GPD2: variants seen among roughly 807,000 people sequenced by gnomAD.
GPD2 encodes glycerol-3-phosphate dehydrogenase, mitochondrial.
A neutral mutation model predicts 82.4 loss-of-function variants in GPD2; 54 were observed. The ratio of observed to expected loss-of-function variants is 0.66; its 90% CI spans 0.53 to 0.82. GPD2 has a LOEUF of 0.82. GPD2 is among the 40% of genes least tolerant of loss of function. GPD2 has a pLI of 0.00. For synonymous variants in GPD2, 288 were observed against 306.1 expected, an observed-to-expected ratio of 0.94 and a Z score of 0.62; for missense variants, 748 against 896.2, an observed-to-expected ratio of 0.83 and a Z score of 2.11.
rs115875558 is a variant in GPD2, at chr2:156,443,250, C to T, written c.-9+6737C>T. Reference sequence around the variant, plus strand: ...TACTCTTTTTATGCTACTCATAATTCCCTTATAGATGCTTGTCTCCTGTAA... The same window carrying T: ...TACTCTTTTTATGCTACTCATAATTTCCTTATAGATGCTTGTCTCCTGTAA... On this transcript the variant is annotated intron_variant, in intron 1 of 16. Coordinates refer to ENST00000438166, the MANE Select transcript of GPD2 (RefSeq NM_000408.5). 7.7e-3 allele frequency among the ~76,000 whole-genome samples: 1,180 copies of T among 152,294 alleles called. 5 individuals carry two copies. The highest frequency in any genetic ancestry group is 0.012 in the Non-Finnish European group (787 of 68,028).
chr2:156,523,532 C>T (rs575300383), intron 6 of GPD2, among the ~76,000 whole-genome samples: 1 of 152,234 alleles, frequency 6.6e-6, no homozygotes, highest in East Asian at 1.9e-4. Flanking sequence ...CATGGCCAGT[C>T]TATACTCTCA....
chr2:156,529,871 G>A (rs1414569050), intron 6 of GPD2, among the ~76,000 whole-genome samples: 37 of 152,082 alleles, frequency 2.4e-4, no homozygotes, highest in Middle Eastern at 3.4e-3. Flanking sequence ...GTCAGGTAGC[G>A]TGATGCCTCC....
the GPD2 span, among the ~76,000 whole-genome samples, chr2:156,405,761 TAAG>T: frequency 6.6e-6 from 1 of 152,120 alleles, no homozygotes; most frequent in African/African-American, 2.4e-5. Flanking sequence ...CATGCTCAGA[TAAG>T]AAGCTCCCAT....
intron 1 of GPD2, among the ~76,000 whole-genome samples, chr2:156,439,027 T>C (rs1682048361): frequency 6.6e-6 from 1 of 152,234 alleles, no homozygotes; most frequent in Non-Finnish European, 1.5e-5. Flanking sequence ...ACTTAACATG[T>C]CCTGAAGACT....
At chr2:156,533,763 C>G (rs1393146433) in intron 6 of GPD2, among the ~76,000 whole-genome samples, 2 of 152,152 alleles carry the variant, frequency 1.3e-5, no homozygotes, top group Non-Finnish European at 2.9e-5. Flanking sequence ...TCTCTGACCC[C>G]CCTCGCAGGA....
chr2:156,580,741 G>C (rs770145411), intron 16 of GPD2, among the ~76,000 whole-genome samples: 1 of 152,224 alleles, frequency 6.6e-6, no homozygotes, highest in African/African-American at 2.4e-5. Flanking sequence ...ATGAGCTGCA[G>C]ATAAGAGCAT....
chr2:156,497,882 G>C (rs1022958151), intron 3 of GPD2, among the ~76,000 whole-genome samples: 1 of 152,172 alleles, frequency 6.6e-6, no homozygotes, highest in Non-Finnish European at 1.5e-5. Context: ...ATACACTAAG[G>C]CCTAAAGGAA....
intron 6 of GPD2, among the ~76,000 whole-genome samples, chr2:156,525,976 A>T (rs545332440): frequency 1.3e-5 from 2 of 152,156 alleles, no homozygotes; most frequent in Non-Finnish European, 2.9e-5. Context: ...GTATGTATGC[A>T]TATGTGTTTA....
At chr2:156,557,256 G>A in intron 8 of GPD2, 133 bp from the exon 9 acceptor site, 1 of 697,144 alleles carries the variant, frequency 1.4e-6, no homozygotes, top group Non-Finnish European at 2.6e-6. Context: ...TTAGGGTAGG[G>A]GAAGTGCAAG....
At chr2:156,573,731 A>C (rs982655508) in intron 13 of GPD2, among the ~76,000 whole-genome samples, 1 of 152,164 alleles carries the variant, frequency 6.6e-6, no homozygotes, top group Non-Finnish European at 1.5e-5. Context: ...ACCTAAAGCT[A>C]TTACTCAGTA....
the GPD2 span, among the ~76,000 whole-genome samples, chr2:156,420,438 C>T: frequency 6.6e-5 from 10 of 151,960 alleles, no homozygotes; most frequent in African/African-American, 1.7e-4. Flanking sequence ...CCCAAAGTGC[C>T]GGGATTACAG....
intron 1 of GPD2, among the ~76,000 whole-genome samples, chr2:156,453,648 G>A (rs1471056172): frequency 2.0e-5 from 3 of 152,086 alleles, no homozygotes; most frequent in Non-Finnish European, 4.4e-5. Context: ...AGGCTGAGGC[G>A]GGTGGATCAC....
At chr2:156,439,547 A>C (rs533709639) in intron 1 of GPD2, among the ~76,000 whole-genome samples, 6 of 143,010 alleles carry the variant, frequency 4.2e-5, no homozygotes, top group South Asian at 2.3e-4. Context: ...AAACAAAAAA[A>C]AAAAAACAAG....
the GPD2 span, among the ~76,000 whole-genome samples, chr2:156,413,611 A>G: frequency 6.6e-6 from 1 of 151,836 alleles, no homozygotes; most frequent in Non-Finnish European, 1.5e-5. Context: ...AAATAAAAAT[A>G]AAAATAAATA....
intron 2 of GPD2, among the ~76,000 whole-genome samples, chr2:156,483,779 G>T (rs1274811245): frequency 6.6e-6 from 1 of 152,140 alleles, no homozygotes; most frequent in Non-Finnish European, 1.5e-5. Context: ...CCTTAGCATT[G>T]CTTTTCAGCA....
intron 1 of GPD2, among the ~76,000 whole-genome samples, chr2:156,466,566 C>T (rs1683154988): frequency 1.3e-5 from 2 of 152,050 alleles, no homozygotes; most frequent in African/African-American, 4.8e-5. Context: ...TGTAAAAAAT[C>T]GGGTCTTAAA....
chr2:156,517,151 TA>T (rs1179018732), intron 6 of GPD2, among the ~76,000 whole-genome samples: 10 of 152,218 alleles, frequency 6.6e-5, no homozygotes, highest in African/African-American at 2.4e-4. Context: ...TTTTAATTTT[TA>T]TTTTTTGTAG....
chr2:156,432,810 C>A (rs1019180849), upstream of GPD2, among the ~76,000 whole-genome samples: 1 of 152,094 alleles, frequency 6.6e-6, no homozygotes, highest in Non-Finnish European at 1.5e-5. Context: ...CAGAGGTGCA[C>A]GGTCTTGAAA....
At chr2:156,518,214 G>C (rs1305907645) in intron 6 of GPD2, among the ~76,000 whole-genome samples, 1 of 152,116 alleles carries the variant, frequency 6.6e-6, no homozygotes, top group Non-Finnish European at 1.5e-5. Context: ...TTAATCTCTG[G>C]CTCCCCTGAG....
Sources: gnomAD v4.1 joint callset for allele counts (sites outside exome capture counted in the v4.1 genomes callset) on GRCh38, gnomAD v4.1.1 for gene constraint, MANE v1.5 for transcripts, NCBI Gene and HGNC (gene_info 2026-07-23, HGNC 2026-07-21) for gene names.